PXDNL: variants seen among roughly 807,000 people sequenced by gnomAD.
PXDNL encodes peroxidasin like.
A neutral mutation model predicts 150.8 loss-of-function variants in PXDNL; 145 were observed. The ratio of observed to expected loss-of-function variants is 0.96; its 90% CI spans 0.84 to 1.10. The LOEUF is 1.10. Among genes scored for constraint, PXDNL ranks in the 50% least tolerant of loss-of-function variants. The probability of loss-of-function intolerance (pLI) is 0.00; values close to 1 mark genes in which losing one functional copy is unlikely to be tolerated. For synonymous variants in PXDNL, 757 were observed against 725.7 expected (o/e 1.04, Z -0.69); for missense variants, 2,087 against 1,873.9 (o/e 1.11, Z -2.10).
chr8:51,688,500 A>G (rs1815921440), intron 1 of PXDNL, among the ~76,000 whole-genome samples: 1 of 152,178 alleles, frequency 6.6e-6, no homozygotes, highest in Admixed American at 6.5e-5. Context: ...AGAAAGTTGA[A>G]CAAACACAAT....
intron 1 of PXDNL, among the ~76,000 whole-genome samples, chr8:51,729,065 A>C (rs886988592): frequency 6.6e-6 from 1 of 152,228 alleles, no homozygotes; most frequent in Non-Finnish European, 1.5e-5. Flanking sequence ...TACTCAGTAC[A>C]GTAACATGCT....
intron 4 of PXDNL, among the ~76,000 whole-genome samples, chr8:51,529,060 T>C (rs77150587): frequency 0.014 from 2,188 of 152,294 alleles, 23 homozygotes; most frequent in South Asian, 0.025. Context: ...TGTTATACAG[T>C]TATAAACATT....
At chr8:51,419,116 G>A (rs552960229) in intron 14 of PXDNL, among the ~76,000 whole-genome samples, 4 of 152,280 alleles carry the variant, frequency 2.6e-5, no homozygotes, top group South Asian at 4.1e-4. Context: ...TTTTTAACAT[G>A]AGGAATTGCA....
At chr8:51,586,030 A>G (rs1813315292) in intron 3 of PXDNL, among the ~76,000 whole-genome samples, 1 of 152,088 alleles carries the variant, frequency 6.6e-6, no homozygotes, top group Non-Finnish European at 1.5e-5. Flanking sequence ...AATGGCAAAA[A>G]ATTCCTCCCA....
At chr8:51,796,301 G>A (rs555773022) in intron 1 of PXDNL, among the ~76,000 whole-genome samples, 9 of 148,480 alleles carry the variant, frequency 6.1e-5, no homozygotes, top group Admixed American at 4.7e-4. Context: ...ACCAAGATCA[G>A]AGTGGAAATG....
chr8:51,432,705 T>C (rs1168498488), intron 12 of PXDNL, among the ~76,000 whole-genome samples: 2 of 152,266 alleles, frequency 1.3e-5, no homozygotes, highest in South Asian at 2.1e-4. Flanking sequence ...GTTAATGTCA[T>C]ATCCAATGAT....
At chr8:51,776,410 A>G (rs2037354495) in intron 1 of PXDNL, among the ~76,000 whole-genome samples, 1 of 152,156 alleles carries the variant, frequency 6.6e-6, no homozygotes, top group East Asian at 1.9e-4. Context: ...TGCCCCGGAC[A>G]CCCAGCTTTA....
chr8:51,358,667 C>T (rs1806601062), intron 19 of PXDNL, among the ~76,000 whole-genome samples: 1 of 152,140 alleles, frequency 6.6e-6, no homozygotes, highest in African/African-American at 2.4e-5. Context: ...ACAGGACGCT[C>T]ATTGCAGCAC....
intron 2 of PXDNL, among the ~76,000 whole-genome samples, chr8:51,639,025 C>T (rs1333503619): frequency 1.3e-5 from 2 of 152,150 alleles, no homozygotes; most frequent in East Asian, 3.9e-4. Context: ...TACAATCAAA[C>T]TAGAACTCAG....
intron 4 of PXDNL, among the ~76,000 whole-genome samples, chr8:51,531,380 C>A (rs763849691): frequency 7.2e-5 from 11 of 152,316 alleles, no homozygotes; most frequent in Non-Finnish European, 1.5e-4. Flanking sequence ...CTCCCTCCGC[C>A]CCACTGCCCA....
chr8:51,508,994 C>A (rs1811350670), intron 4 of PXDNL, among the ~76,000 whole-genome samples: 1 of 152,106 alleles, frequency 6.6e-6, no homozygotes, highest in South Asian at 2.1e-4. Flanking sequence ...CCAAACCTAC[C>A]CTACTGCCTC....
intron 2 of PXDNL, among the ~76,000 whole-genome samples, chr8:51,621,035 A>G (rs1316149371): frequency 6.6e-6 from 1 of 152,182 alleles, no homozygotes. Flanking sequence ...CACACTTTTC[A>G]TAATATTACT....
chr8:51,516,346 G>A (rs1307505856), intron 4 of PXDNL, among the ~76,000 whole-genome samples: 1 of 152,196 alleles, frequency 6.6e-6, no homozygotes, highest in Non-Finnish European at 1.5e-5. Flanking sequence ...CTAGAAAGAA[G>A]TTAATTTTCA....
intron 2 of PXDNL, among the ~76,000 whole-genome samples, chr8:51,631,861 G>A (rs1452618521): frequency 6.6e-6 from 1 of 151,988 alleles, no homozygotes; most frequent in Non-Finnish European, 1.5e-5. Flanking sequence ...ATTTCTCAAG[G>A]AAATGGGATC....
intron 2 of PXDNL, among the ~76,000 whole-genome samples, chr8:51,600,381 G>A (rs190871067): frequency 0.016 from 1,910 of 119,222 alleles, 280 homozygotes; most frequent in African/African-American, 0.069. Context: ...AAATTATATC[G>A]TTTAGATAAT....
chr8:51,504,853 A>G (rs1230519921), intron 4 of PXDNL, among the ~76,000 whole-genome samples: 1 of 152,262 alleles, frequency 6.6e-6, no homozygotes. Flanking sequence ...TCTATGGTAT[A>G]AAGCAAAAGA....
At chr8:51,704,762 G>A (rs779223618) in intron 1 of PXDNL, among the ~76,000 whole-genome samples, 1 of 152,080 alleles carries the variant, frequency 6.6e-6, no homozygotes, top group African/African-American at 2.4e-5. Flanking sequence ...GTGGTTTATT[G>A]GACATGAATG....
intron 17 of PXDNL, among the ~76,000 whole-genome samples, chr8:51,391,682 G>A (rs1313630107): frequency 6.6e-6 from 1 of 152,080 alleles, no homozygotes; most frequent in Non-Finnish European, 1.5e-5. Flanking sequence ...CTCCCATTTT[G>A]TATGTTGCCT....
At chr8:51,762,860 A>G (rs1214616144) in intron 1 of PXDNL, among the ~76,000 whole-genome samples, 2 of 152,138 alleles carry the variant, frequency 1.3e-5, no homozygotes, top group Non-Finnish European at 2.9e-5. Flanking sequence ...ACCAGAAGCT[A>G]TATAGATAAT....
Sources: allele counts gnomAD v4.1 joint callset (sites outside exome capture counted in the v4.1 genomes callset), GRCh38; gene constraint gnomAD v4.1.1; transcripts MANE v1.5; gene names NCBI Gene and HGNC (gene_info 2026-07-23, HGNC 2026-07-21).